TFEB: variants seen among roughly 807,000 people sequenced by gnomAD.
The protein encoded by TFEB is T-cell transcription factor EB.
Under a neutral mutation model 48.0 loss-of-function variants are expected in TFEB, and 12 were observed. The ratio of observed to expected loss-of-function variants is 0.25; its 90% CI spans 0.16 to 0.40. The LOEUF is 0.40. Among genes scored for constraint, TFEB ranks in the 10% least tolerant of loss-of-function variants. The probability of loss-of-function intolerance (pLI) is 1.00; values close to 1 mark genes in which losing one functional copy is unlikely to be tolerated. For missense variants in TFEB, 509 were observed against 640.3 expected, an observed-to-expected ratio of 0.79 and a Z score of 2.21; for synonymous variants, 244 against 261.4, an observed-to-expected ratio of 0.93 and a Z score of 0.64.
chr6:41,715,813 G>T (rs1770713134), intron 1 of TFEB, among the ~76,000 whole-genome samples: 1 of 152,200 alleles, frequency 6.6e-6, no homozygotes, highest in African/African-American at 2.4e-5. Context: ...CGTTCAGGAA[G>T]ATTAAGTGAC....
At chr6:41,708,384 G>A (rs755266942) in intron 1 of TFEB, among the ~76,000 whole-genome samples, 9 of 152,206 alleles carry the variant, frequency 5.9e-5, no homozygotes, top group Non-Finnish European at 1.2e-4. Flanking sequence ...CCCTCACGAT[G>A]TCAAAAGTGC....
chr6:41,727,328 AT>A (rs1367022226), intron 1 of TFEB, among the ~76,000 whole-genome samples: 1 of 152,202 alleles, frequency 6.6e-6, no homozygotes, highest in African/African-American at 2.4e-5. Context: ...AGAGAGAGAG[AT>A]AGTCCAAGGC....
At chr6:41,714,900 T>C (rs577391961) in intron 1 of TFEB, among the ~76,000 whole-genome samples, 1 of 152,262 alleles carries the variant, frequency 6.6e-6, no homozygotes, top group African/African-American at 2.4e-5. Flanking sequence ...GGGCACAAAA[T>C]GTCAGACGAC....
In TFEB at chr6:41,724,030, C is replaced by T. The variant is rs1771104585; in HGVS notation, c.-23+11320G>A. The T allele has an allele frequency of 2.2e-6, 1 of 447,072 alleles. No individual in the cohort carries two copies. The highest frequency in any genetic ancestry group is 4.5e-6 in the Non-Finnish European group (1 of 222,416). The allele number at this position is 447,072 out of a possible 1,614,324, so 27.7% of individuals were successfully genotyped here. Reference sequence around the variant, plus strand: ...TCTTGGCCTTGGGCCTTCCCAGGGCCTCCAGACACCCAGGTCGAGGCCGTA... The same window carrying T: ...TCTTGGCCTTGGGCCTTCCCAGGGCTTCCAGACACCCAGGTCGAGGCCGTA... On this transcript the variant is annotated intron_variant, in intron 1 of 8. Transcript: ENST00000373033. The surrounding 1 kb of genome is among the most constrained non-coding windows in gnomAD (Gnocchi z 4.4).
At chr6:41,727,635 T>C (rs1307451164) in intron 1 of TFEB, among the ~76,000 whole-genome samples, 2 of 152,110 alleles carry the variant, frequency 1.3e-5, no homozygotes, top group South Asian at 2.1e-4. Context: ...GAGGCTATAG[T>C]GAGCCATGAT....
At chr6:41,735,181 G>A (rs1771628085) in intron 1 of TFEB, 169 bp downstream of exon 1, 1 of 914,528 alleles carries the variant, frequency 1.1e-6, no homozygotes, top group Non-Finnish European at 1.3e-6. Context: ...TGGGCGCCCG[G>A]GGGCGGACGG....
intron 1 of TFEB, among the ~76,000 whole-genome samples, chr6:41,708,889 T>C (rs918263039): frequency 6.6e-6 from 1 of 152,186 alleles, no homozygotes; most frequent in Non-Finnish European, 1.5e-5. Context: ...AAATGTGTAC[T>C]TGGAACTTCC....
At chr6:41,697,146 G>A (rs1309704343) in intron 1 of TFEB, among the ~76,000 whole-genome samples, 3 of 151,922 alleles carry the variant, frequency 2.0e-5, no homozygotes, top group African/African-American at 7.3e-5. Context: ...GGTGGCTCAC[G>A]CCTGTAATCC....
Position 41,685,060 on chromosome 6 carries a change from G to T in TFEB, c.970C>A (p.Arg324=). The T allele has an allele frequency of 6.9e-7, 1 of 1,453,670 alleles. No homozygotes were observed. Among genetic ancestry groups the T allele is most frequent in the Non-Finnish European group, 9.1e-7 (1 of 1,100,416 alleles). 90.0% of individuals were successfully genotyped at this position (1,453,670 alleles called of 1,614,324 possible). The change falls in exon 9 of 9, where the codon CGA becomes AGA. Residue 324 remains arginine, a synonymous_variant. Coordinates refer to ENST00000373033, the MANE Select transcript of TFEB (RefSeq NM_001271944.2). ...LRIQELEMQA[R]VHGLPTTSPS... ...GAGGTGGTAGGGAGGCCGTGCACTC[G>T]AGCCTGCATCTCCAGCTCCTGCAGG...
intron 1 of TFEB, chr6:41,733,589 G>C: frequency 2.0e-6 from 2 of 984,940 alleles, no homozygotes; most frequent in Non-Finnish European, 2.4e-6. Flanking sequence ...CGGCCAGGAG[G>C]CAGACGGAGA....
intron 7 of TFEB, chr6:41,686,595 T>A (rs1769023438): frequency 4.3e-6 from 1 of 230,724 alleles, no homozygotes; most frequent in Non-Finnish European, 8.5e-6. Flanking sequence ...GGCTCACTGC[T>A]ACCTCCACCT....
In TFEB at chr6:41,685,318, AT is replaced by A. The variant is rs559824970; in HGVS notation, c.952-241del. Among the ~76,000 whole-genome samples, 212 of 152,292 alleles carry A rather than the reference AT, an allele frequency of 1.4e-3. 1 individual carries two copies. The highest frequency in any genetic ancestry group is 4.8e-3 in the African/African-American group (201 of 41,566). On this transcript the variant is annotated intron_variant, in intron 8 of 8. Coordinates refer to ENST00000373033, the MANE Select transcript of TFEB (RefSeq NM_001271944.2). ...CGTAGTGAGTCTTGACCAGCTTTCT[AT>A]TTTTTTAATTGAAATTGACTTGTCT...
intron 1 of TFEB, among the ~76,000 whole-genome samples, chr6:41,703,346 G>A (rs932001040): frequency 3.9e-5 from 6 of 152,072 alleles, no homozygotes; most frequent in Non-Finnish European, 5.9e-5. Flanking sequence ...TGGCTCTCAG[G>A]GTCCCAGTGC....
At chr6:41,710,843 G>A (rs1386094499) in intron 1 of TFEB, among the ~76,000 whole-genome samples, 1 of 152,108 alleles carries the variant, frequency 6.6e-6, no homozygotes, top group East Asian at 1.9e-4. Flanking sequence ...CCCTGCTCCA[G>A]GGTCTCCTCC....
At chr6:41,707,198 CCTCT>C (rs1770269828) in intron 1 of TFEB, among the ~76,000 whole-genome samples, 1 of 152,208 alleles carries the variant, frequency 6.6e-6, no homozygotes, top group Non-Finnish European at 1.5e-5. Flanking sequence ...CTGAACCAAT[CCTCT>C]CTGTTCTCCT....
chr6:41,719,445 C>T (rs1314978430), intron 1 of TFEB, among the ~76,000 whole-genome samples: 2 of 152,222 alleles, frequency 1.3e-5, no homozygotes, highest in Non-Finnish European at 2.9e-5. Flanking sequence ...TTGGGGACCG[C>T]TGGTCTACCA....
In TFEB at chr6:41,734,770, G is replaced by C. The variant is rs1771602006; in HGVS notation, c.-23+580C>G. ...AAGAGACCGAGCTGGAGGAAGGGAC[G>C]GGAAGGGAGGGAGAGATGGTACTTC... On this transcript the variant is annotated intron_variant, in intron 1 of 8. Coordinates refer to ENST00000373033, the MANE Select transcript of TFEB (RefSeq NM_001271944.2). The surrounding 1 kb of genome is among the most constrained non-coding windows in gnomAD (Gnocchi z 4.0). 1 of 580,250 alleles carries C rather than the reference G, an allele frequency of 1.7e-6. No homozygotes were observed. Among genetic ancestry groups the C allele is most frequent in the Non-Finnish European group, 2.2e-6 (1 of 459,308 alleles). 35.9% of individuals were successfully genotyped at this position (580,250 alleles called of 1,614,324 possible). A position where few individuals can be genotyped will look rare whatever the true frequency, so the allele number is the denominator to read the frequency against.
chr6:41,736,033 T>C, upstream of TFEB: 1 of 1,390,818 alleles, frequency 7.2e-7, no homozygotes, highest in Admixed American at 1.7e-5. Context: ...CTTTTATCCC[T>C]GCCCCGATCA....
chr6:41,700,674 T>C (rs534632517), intron 1 of TFEB, among the ~76,000 whole-genome samples: 34 of 152,156 alleles, frequency 2.2e-4, no homozygotes, highest in Non-Finnish European at 4.0e-4. Flanking sequence ...GGCTTGTTTT[T>C]AAATCTCTGA....
Sources: allele counts gnomAD v4.1 joint callset (sites outside exome capture counted in the v4.1 genomes callset), GRCh38; gene constraint gnomAD v4.1.1; non-coding constraint Gnocchi (gnomAD v3.1); transcripts MANE v1.5; gene names NCBI Gene and HGNC (gene_info 2026-07-23, HGNC 2026-07-21).